Variants in CSMD1 observed in about 807,000 individuals in gnomAD.
CSMD1 encodes the protein CUB and sushi domain-containing protein 1.
In CSMD1, 213 loss-of-function variants were observed where a neutral mutation model predicts 417.5. That is an observed-to-expected ratio of 0.51 (90% confidence interval 0.46 to 0.57). The LOEUF (loss-of-function observed/expected upper bound fraction) is 0.57, where lower values mean the gene tolerates loss of function less well. Among genes scored for constraint, CSMD1 ranks in the 20% least tolerant of loss-of-function variants. The pLI is 0.00. For synonymous variants in CSMD1, 2,862 were observed against 1,736.8 expected (o/e 1.65, Z -16.11); for missense variants, 6,923 against 4,529.7 (o/e 1.53, Z -15.17).
chr8:3,583,438 T>A (rs4875741), intron 9 of CSMD1, among the ~76,000 whole-genome samples: 5 of 151,644 alleles, frequency 3.3e-5, no homozygotes, highest in Non-Finnish European at 5.9e-5. Flanking sequence ...TGGAAAGAGC[T>A]AGAGATATTC....
chr8:3,533,346 T>G (rs78346386), intron 10 of CSMD1, among the ~76,000 whole-genome samples: 88 of 152,302 alleles, frequency 5.8e-4, no homozygotes, highest in African/African-American at 2.0e-3. Flanking sequence ...TAGAACTTAT[T>G]CATCTTACAT....
intron 49 of CSMD1, among the ~76,000 whole-genome samples, chr8:3,060,228 C>T (rs1812503563): frequency 6.6e-6 from 1 of 151,146 alleles, no homozygotes; most frequent in African/African-American, 2.4e-5. Flanking sequence ...TCACTCTAAC[C>T]TCCACCTCCC....
intron 49 of CSMD1, among the ~76,000 whole-genome samples, chr8:3,067,993 A>C (rs1388879481): frequency 6.6e-6 from 1 of 152,062 alleles, no homozygotes; most frequent in Admixed American, 6.6e-5. Flanking sequence ...CTTCCCAATA[A>C]CAGAATGGCT....
At chr8:4,542,314 G>C (rs1321576206) in intron 2 of CSMD1, among the ~76,000 whole-genome samples, 1 of 151,978 alleles carries the variant, frequency 6.6e-6, no homozygotes, top group Non-Finnish European at 1.5e-5. Flanking sequence ...AATATAAATT[G>C]TCGTTCTCCA....
chr8:4,040,603 A>C (rs776073259), intron 3 of CSMD1, among the ~76,000 whole-genome samples: 9 of 152,174 alleles, frequency 5.9e-5, no homozygotes, highest in Non-Finnish European at 1.2e-4. Flanking sequence ...GCATATATGG[A>C]TTGGGGAGAC....
intron 1 of CSMD1, among the ~76,000 whole-genome samples, chr8:4,744,662 C>G (rs1400307194): frequency 1.3e-5 from 2 of 152,024 alleles, no homozygotes; most frequent in African/African-American, 4.8e-5. Flanking sequence ...TTGAAAATGA[C>G]CAGTCTCTGG....
chr8:4,277,508 G>T (rs1020635684), intron 3 of CSMD1, among the ~76,000 whole-genome samples: 1 of 152,040 alleles, frequency 6.6e-6, no homozygotes, highest in South Asian at 2.1e-4. Flanking sequence ...GTTTCCTGGT[G>T]CCATGTTTTT....
chr8:4,618,429 G>A (rs763859340), intron 2 of CSMD1, among the ~76,000 whole-genome samples: 3 of 151,992 alleles, frequency 2.0e-5, no homozygotes, highest in Admixed American at 6.6e-5. Context: ...AAGGTGGGCA[G>A]GACTCACGGA....
chr8:4,620,164 T>C (rs1801690983), intron 2 of CSMD1, among the ~76,000 whole-genome samples: 1 of 151,856 alleles, frequency 6.6e-6, no homozygotes, highest in African/African-American at 2.4e-5. Flanking sequence ...TAAAGATATG[T>C]CTCCATTGTG....
At chr8:4,213,129 C>A (rs539386010) in intron 3 of CSMD1, among the ~76,000 whole-genome samples, 1 of 152,220 alleles carries the variant, frequency 6.6e-6, no homozygotes, top group East Asian at 1.9e-4. Flanking sequence ...GACTCAAAGA[C>A]AACATCTGGA....
chr8:3,870,193 A>T (rs915196173), intron 5 of CSMD1, among the ~76,000 whole-genome samples: 1 of 152,226 alleles, frequency 6.6e-6, no homozygotes, highest in Admixed American at 6.5e-5. Context: ...CAGAAAGTCA[A>T]GAAGAAAATG....
chr8:3,458,200 T>C (rs1816279705), intron 12 of CSMD1, among the ~76,000 whole-genome samples: 1 of 152,168 alleles, frequency 6.6e-6, no homozygotes, highest in Non-Finnish European at 1.5e-5. Context: ...GAGTGCAATG[T>C]AGCTGGAGCT....
At chr8:3,834,360 T>G (rs181144739) in intron 5 of CSMD1, among the ~76,000 whole-genome samples, 1 of 152,232 alleles carries the variant, frequency 6.6e-6, no homozygotes, top group Middle Eastern at 3.4e-3. Context: ...GGACTGAGTT[T>G]AACCTTGTCT....
chr8:3,228,741 A>G (rs1330201054), intron 27 of CSMD1, among the ~76,000 whole-genome samples: 1 of 152,134 alleles, frequency 6.6e-6, no homozygotes, highest in East Asian at 1.9e-4. Context: ...ATTGCTTTTT[A>G]ATGTATTCCT....
At chr8:4,437,470 A>G (rs921462965) in intron 2 of CSMD1, among the ~76,000 whole-genome samples, 6 of 152,208 alleles carry the variant, frequency 3.9e-5, no homozygotes, top group African/African-American at 1.4e-4. Flanking sequence ...AGTTAATTAC[A>G]TGAAAAGTTT....
rs142330960 is a variant in CSMD1 at position 4,505,174 on chromosome 8, C to G, written c.303-85109G>C. The stretch of plus-strand genomic sequence containing the variant: ...AATGATAAAAACCTGGTGGCTTTAG[C>G]TTGCATTGTTTCCTCTAGATTTAAA... On this transcript the variant is annotated intron_variant, in intron 2 of 69. Coordinates refer to ENST00000635120, the MANE Select transcript of CSMD1 (RefSeq NM_033225.6). 3.8e-3 allele frequency among the ~76,000 whole-genome samples: 578 copies of G among 152,296 alleles called. 1 individual carries two copies. The highest frequency in any genetic ancestry group is 6.2e-3 in the Non-Finnish European group (423 of 68,022).
chr8:4,360,196 A>G (rs2128907058), intron 3 of CSMD1, among the ~76,000 whole-genome samples: 1 of 152,228 alleles, frequency 6.6e-6, no homozygotes, highest in East Asian at 1.9e-4. Flanking sequence ...AACGCGTGGC[A>G]TTTGTCACCA....
intron 3 of CSMD1, among the ~76,000 whole-genome samples, chr8:4,179,966 T>A (rs1584968890): frequency 6.6e-6 from 1 of 152,034 alleles, no homozygotes; most frequent in East Asian, 1.9e-4. Flanking sequence ...AGGAACACTT[T>A]TACACTGTTA....
chr8:3,813,951 T>A (rs1251875965), intron 5 of CSMD1, among the ~76,000 whole-genome samples: 1 of 152,196 alleles, frequency 6.6e-6, no homozygotes, highest in Non-Finnish European at 1.5e-5. Flanking sequence ...TTCTGAGAAA[T>A]GTAAGACCCT....
Sources: gnomAD v4.1 joint callset for allele counts (sites outside exome capture counted in the v4.1 genomes callset) on GRCh38, gnomAD v4.1.1 for gene constraint, MANE v1.5 for transcripts, NCBI Gene and HGNC (gene_info 2026-07-23, HGNC 2026-07-21) for gene names.